Variants in FAM151B observed in about 807,000 individuals in gnomAD.
FAM151B encodes the protein family with sequence similarity 151 member B.
In FAM151B, 24 loss-of-function variants were observed where a neutral mutation model predicts 31.2. The observed-to-expected ratio is 0.77, with a 90% CI of 0.56 to 1.08. FAM151B has a LOEUF of 1.08. Ranked by LOEUF, FAM151B falls within the 50% of genes least tolerant of loss-of-function variation. The probability of loss-of-function intolerance (pLI) is 0.00; values close to 1 mark genes in which losing one functional copy is unlikely to be tolerated. For synonymous variants in FAM151B, 105 were observed against 111.4 expected, an observed-to-expected ratio of 0.94 and a Z score of 0.36; for missense variants, 293 against 328.6, an observed-to-expected ratio of 0.89 and a Z score of 0.84.
Position 80,513,602 on chromosome 5 carries a change from AGGTACT to A in FAM151B, c.152_157del (p.Ser51_Ala53delinsThr), listed in dbSNP as rs767414754. The A allele has an allele frequency of 1.2e-6, 2 of 1,608,500 alleles. No homozygotes were observed. Among genetic ancestry groups the A allele is most frequent in the South Asian group, 2.2e-5 (2 of 89,718 alleles). ...TTAACTGAAGTTCTTTTATTTGGAC[AGGTACT>A]GCTCACATGATAGAGGCTGATGTCC... On this transcript the variant is annotated splice_acceptor_variant and coding_sequence_variant, in exon 3 of 6. Transcript: ENST00000282226. LOFTEE classifies it high-confidence loss of function.
intron 1 of FAM151B, chr5:80,500,237 G>C (rs1033294092): frequency 1.1e-5 from 6 of 562,694 alleles, no homozygotes; most frequent in African/African-American, 9.5e-5. Flanking sequence ...CAATGGCTAT[G>C]GGGAGGGGGA....
At chr5:80,507,316 G>C (rs1744005594) in intron 2 of FAM151B, among the ~76,000 whole-genome samples, 1 of 152,168 alleles carries the variant, frequency 6.6e-6, no homozygotes. Context: ...TGTGTCCTCT[G>C]ACCTAGCTTT....
intron 1 of FAM151B, chr5:80,501,414 T>G (rs56067251): frequency 0.13 from 82,487 of 615,132 alleles, 7,218 homozygotes; most frequent in Non-Finnish European, 0.16. Flanking sequence ...ATGTCTACCA[T>G]GATTATTTTT....
chr5:80,519,973 A>G (rs1478021928), intron 4 of FAM151B, 63 bp downstream of exon 4: 2 of 1,464,740 alleles, frequency 1.4e-6, no homozygotes, highest in African/African-American at 1.4e-5. Context: ...TAAAAATAAC[A>G]TCTTTAATAC....
chr5:80,521,386 A>G (rs1744712411), intron 4 of FAM151B, among the ~76,000 whole-genome samples: 1 of 151,908 alleles, frequency 6.6e-6, no homozygotes, highest in Admixed American at 6.6e-5. Flanking sequence ...TTGGCCTCTC[A>G]AAGTGCTGGG....
chr5:80,536,274 G>A (rs1322249826), intron 5 of FAM151B, among the ~76,000 whole-genome samples: 2 of 151,994 alleles, frequency 1.3e-5, no homozygotes, highest in Non-Finnish European at 2.9e-5. Context: ...AGGTTCAAGC[G>A]ATTCTCCTGC....
intron 5 of FAM151B, 94 bp from the exon 6 acceptor site, chr5:80,541,579 G>A (rs1745893248): frequency 1.7e-6 from 2 of 1,154,956 alleles, no homozygotes; most frequent in Admixed American, 2.2e-5. Context: ...GTGCATTTGA[G>A]TTAGAGATAA....
At chr5:80,517,773 G>A (rs189195541) in intron 3 of FAM151B, among the ~76,000 whole-genome samples, 160 of 152,232 alleles carry the variant, frequency 1.1e-3, no homozygotes, top group Non-Finnish European at 1.8e-3. Flanking sequence ...AGAATACGCT[G>A]TTTGAAACTG....
intron 2 of FAM151B, among the ~76,000 whole-genome samples, chr5:80,504,211 A>G (rs895685958): frequency 6.6e-6 from 1 of 152,166 alleles, no homozygotes; most frequent in African/African-American, 2.4e-5. Flanking sequence ...AGATGTTTCA[A>G]CCAGAAATCT....
At position 80,521,991 on chromosome 5, in the gene FAM151B, T is replaced by C; in HGVS notation, c.536-12T>C. Reference sequence around the variant, plus strand: ...CAATCAATAAAGTTAAATTTTTTTCTTTTCTTTTAAGGGTACAGTTGGACA... The same window carrying C: ...CAATCAATAAAGTTAAATTTTTTTCCTTTCTTTTAAGGGTACAGTTGGACA... On this transcript the variant is annotated splice_polypyrimidine_tract_variant and intron_variant, in intron 4 of 5. Coordinates refer to ENST00000282226, the MANE Select transcript of FAM151B (RefSeq NM_205548.3). 6.6e-7 allele frequency: 1 copy of C among 1,522,446 alleles called. No individual in the cohort carries two copies. The highest frequency in any genetic ancestry group is 8.9e-7 in the Non-Finnish European group (1 of 1,123,348). 94.3% of individuals were successfully genotyped at this position (1,522,446 alleles called of 1,614,324 possible).
chr5:80,501,871 G>C lies in FAM151B; in HGVS notation c.105G>C (p.Trp35Cys). 6.2e-7 allele frequency: 1 copy of C among 1,604,776 alleles called. No homozygotes were observed. Among genetic ancestry groups the C allele is most frequent in the Non-Finnish European group, 8.5e-7 (1 of 1,174,492 alleles). Residue 35 changes from tryptophan to cysteine, a missense_variant, in exon 2 of 6, where the codon TGG (tryptophan) becomes TGC (cysteine). Transcript: ENST00000282226. The stretch of plus-strand genomic sequence containing the variant: ...CAGAAGACGGTGCTGAGATCACCTG[G>C]TATCATGCAGCTAACCACAAGGCAC... ...ITAEDGAEIT[W>C]YHAANHKAQT... is the part of the protein sequence containing the mutation.
chr5:80,513,739 G>A lies in FAM151B; in HGVS notation c.287G>A (p.Ser96Asn), dbSNP rs148781457. ...LQEWLTEVMK[S>N]NKGIKLDFKS... ...GAGTGGCTGACTGAAGTTATGAAAA[G>A]CAATAAAGGCATCAAGCTGGATTTC... The change falls in exon 3 of 6, where the codon AGC (serine) becomes AAC (asparagine). Residue 96 changes from serine to asparagine, a missense_variant. Physicochemically the swap from Ser to Asn is conservative, Grantham distance 46 (BLOSUM62 1). Transcript: ENST00000282226. The A allele has an allele frequency of 5.6e-6, 9 of 1,610,946 alleles. No individual in the cohort carries two copies. The highest frequency in any genetic ancestry group is 1.1e-5 in the South Asian group (1 of 90,112).
chr5:80,512,056 A>T (rs796990474), intron 2 of FAM151B, among the ~76,000 whole-genome samples: 1 of 152,060 alleles, frequency 6.6e-6, no homozygotes, highest in Non-Finnish European at 1.5e-5. Flanking sequence ...TTCAAATTTG[A>T]CTCCACAGAG....
At chr5:80,519,581 C>T in intron 3 of FAM151B, 112 bp from the exon 4 acceptor site, 2 of 848,772 alleles carry the variant, frequency 2.4e-6, no homozygotes, top group South Asian at 1.8e-5. Flanking sequence ...TTAACCCAGA[C>T]ATTATTGTAT....
Position 80,488,164 on chromosome 5 carries a change from G to A in FAM151B, c.25+16G>A, listed in dbSNP as rs1483312994. ...GGAGGCCCAGGTAAGCGCCGAGCGC[G>A]CGGCCTCTGCCTGGAGGTGGGGCGC... On this transcript the variant is annotated intron_variant, in intron 1 of 5. Transcript: ENST00000282226. The A allele has an allele frequency of 1.2e-5, 18 of 1,540,648 alleles. No homozygotes were observed. Among genetic ancestry groups the A allele is most frequent in the Non-Finnish European group, 1.7e-6 (2 of 1,145,304 alleles).
chr5:80,498,794 A>C (rs1743638540), intron 1 of FAM151B: 1 of 509,116 alleles, frequency 2.0e-6, no homozygotes, highest in African/African-American at 2.0e-5. Context: ...CAAGATGAAG[A>C]GTAGACTCCT....
intron 2 of FAM151B, among the ~76,000 whole-genome samples, chr5:80,511,666 GC>G (rs1165310009): frequency 4.6e-5 from 7 of 151,992 alleles, no homozygotes; most frequent in Non-Finnish European, 1.0e-4. Context: ...GAGTGCAGTG[GC>G]ACAATCTCAG....
At chr5:80,503,478 A>T (rs1253254057) in intron 2 of FAM151B, among the ~76,000 whole-genome samples, 1 of 152,136 alleles carries the variant, frequency 6.6e-6, no homozygotes, top group Non-Finnish European at 1.5e-5. Flanking sequence ...CTGAGTCAGG[A>T]GGATCGATTG....
At chr5:80,513,580 A>G (rs1744282798) in intron 2 of FAM151B, 24 bp from the exon 3 acceptor site, 5 of 1,600,856 alleles carry the variant, frequency 3.1e-6, no homozygotes, top group Non-Finnish European at 4.3e-6. Context: ...CTTAGCATTA[A>G]CTGAAGTTCT....
Sources: gnomAD v4.1 joint callset for allele counts (sites outside exome capture counted in the v4.1 genomes callset) on GRCh38, gnomAD v4.1.1 for gene constraint, MANE v1.5 for transcripts, NCBI Gene and HGNC (gene_info 2026-07-23, HGNC 2026-07-21) for gene names.